UNC80: variants seen among roughly 807,000 people sequenced by gnomAD.
The protein encoded by UNC80 is protein unc-80 homolog.
Under a neutral mutation model 384.6 loss-of-function variants are expected in UNC80, and 164 were observed. The ratio of observed to expected loss-of-function variants is 0.43; its 90% CI spans 0.38 to 0.49. The LOEUF is 0.49. UNC80 is among the 20% of genes least tolerant of loss of function. The pLI is 0.00. For missense variants in UNC80, 3,330 were observed against 4,143.0 expected (o/e 0.80, Z 5.39); for synonymous variants, 1,486 against 1,527.8 (o/e 0.97, Z 0.64).
At chr2:209,820,766 G>A (rs1207470964) in intron 13 of UNC80, 87 bp downstream of exon 13, 6 of 1,409,342 alleles carry the variant, frequency 4.3e-6, no homozygotes, top group Non-Finnish European at 5.6e-6. Flanking sequence ...TATTGAATCT[G>A]AACAGCACCT....
rs1238357684 is a variant in UNC80 at position 209,872,604 on chromosome 2, G to A, written c.3628-154G>A. 1.3e-5 allele frequency among the ~76,000 whole-genome samples: 2 copies of A among 152,020 alleles called. No homozygotes were observed. The highest frequency in any genetic ancestry group is 2.4e-5 in the African/African-American group (1 of 41,372). On this transcript the variant is annotated intron_variant, in intron 22 of 64. Coordinates refer to ENST00000673920, the MANE Select transcript of UNC80 (RefSeq NM_001371986.1). This position sits in a 1 kb window ranked among gnomAD's most constrained non-coding sequence, Gnocchi z 4.1. The stretch of plus-strand genomic sequence containing the variant: ...TTTCCAGATTTCTCACTACTGTGTT[G>A]GCCATACTGACACCACCCTGGGAAA...
rs983037506 is a variant in UNC80 at position 209,839,371 on chromosome 2, G to A, written c.3191G>A (p.Arg1064Gln). The change falls in exon 19 of 65, where the codon CGA becomes CAA. Residue 1064 changes from arginine to glutamine, a missense_variant. By Grantham distance (43) the Arg-to-Gln change is conservative. Coordinates refer to ENST00000673920, the MANE Select transcript of UNC80 (RefSeq NM_001371986.1). The surrounding 1 kb of genome is among the most constrained non-coding windows in gnomAD (Gnocchi z 4.1). ...GCCCACTCAGGGACCACCTCTGACCGACGTGCCCGCTCACGATCCCGCAGA... is the reference window on the plus strand; with the variant it reads ...GCCCACTCAGGGACCACCTCTGACCAACGTGCCCGCTCACGATCCCGCAGA... ...TTAHSGTTSD[R>Q]RARSRSRRIS... 1.4e-5 allele frequency: 22 copies of A among 1,551,986 alleles called. No individual in the cohort carries two copies. Among genetic ancestry groups the A allele is most frequent in the Non-Finnish European group, 1.7e-5 (19 of 1,147,072 alleles).
chr2:209,908,562 GA>G (rs1294130535), intron 29 of UNC80, among the ~76,000 whole-genome samples: 1 of 152,150 alleles, frequency 6.6e-6, no homozygotes, highest in East Asian at 1.9e-4. Context: ...TTTAAAAAAG[GA>G]GCAGATTAAA....
intron 7 of UNC80, among the ~76,000 whole-genome samples, chr2:209,806,340 A>G (rs2078895959): frequency 6.6e-6 from 1 of 152,144 alleles, no homozygotes; most frequent in Non-Finnish European, 1.5e-5. Flanking sequence ...AATGTTCAAG[A>G]CTACTATTTG....
chr2:209,870,351 A>G (rs2084188415), intron 22 of UNC80, among the ~76,000 whole-genome samples: 1 of 152,210 alleles, frequency 6.6e-6, no homozygotes, highest in South Asian at 2.1e-4. Flanking sequence ...ACAGATTTGC[A>G]TATCTGAACT....
intron 7 of UNC80, among the ~76,000 whole-genome samples, chr2:209,801,786 G>A (rs534759991): frequency 6.6e-6 from 1 of 150,832 alleles, no homozygotes; most frequent in African/African-American, 2.4e-5. Context: ...AGGCTACATG[G>A]GTGCATTGTT....
chr2:209,950,122 T>TGC (rs2092101442), intron 47 of UNC80, among the ~76,000 whole-genome samples: 1 of 152,072 alleles, frequency 6.6e-6, no homozygotes, highest in South Asian at 2.1e-4. Flanking sequence ...AGAGGAACTG[T>TGC]GCCTGCCTCA....
intron 28 of UNC80, among the ~76,000 whole-genome samples, chr2:209,903,400 ATATT>A (rs2124928167): frequency 8.3e-6 from 1 of 121,136 alleles, no homozygotes; most frequent in Admixed American, 1.2e-4. Context: ...ATTTATATAT[ATATT>A]ATATATATAC....
chr2:209,944,881 C>G (rs1444838247), intron 45 of UNC80, among the ~76,000 whole-genome samples, 170 bp from the exon 46 acceptor site: 1 of 152,088 alleles, frequency 6.6e-6, no homozygotes, highest in Non-Finnish European at 1.5e-5. Context: ...GTCAGGTGTA[C>G]CACTCCAAAA....
At chr2:209,814,184 A>G (rs140826834) in intron 8 of UNC80, among the ~76,000 whole-genome samples, 28 of 152,154 alleles carry the variant, frequency 1.8e-4, no homozygotes, top group Non-Finnish European at 3.1e-4. Context: ...AATCTGTAAC[A>G]TAGGATTTTA....
chr2:209,959,831 C>A, intron 51 of UNC80, 124 bp downstream of exon 51: 2 of 901,938 alleles, frequency 2.2e-6, no homozygotes, highest in South Asian at 1.8e-5. Context: ...GATTTGTTTC[C>A]GGTGACTTAG....
Position 209,995,523 on chromosome 2 carries a change from A to G in UNC80, c.9903A>G (p.Leu3301=), listed in dbSNP as rs963283770. 1.9e-6 allele frequency: 3 copies of G among 1,551,938 alleles called. No individual in the cohort carries two copies. Among genetic ancestry groups the G allele is most frequent in the South Asian group, 1.2e-5 (1 of 84,062 alleles). ...AAAATGGCATGGAGAACCCGCTACT[A>G]TCTAGTCAGTTCACCTTTACTCCCA... ...SEENGMENPL[L]SSQFTFTPTE... Residue 3301 remains leucine, a synonymous_variant, in exon 65 of 65, where the codon CTA becomes CTG. Coordinates refer to ENST00000673920, the MANE Select transcript of UNC80 (RefSeq NM_001371986.1).
intron 18 of UNC80, among the ~76,000 whole-genome samples, chr2:209,835,513 A>T (rs1290111401): frequency 1.3e-5 from 2 of 152,164 alleles, no homozygotes; most frequent in African/African-American, 4.8e-5. Flanking sequence ...GTCCTCCGAC[A>T]TCAGTTAATC....
intron 22 of UNC80, among the ~76,000 whole-genome samples, chr2:209,851,756 C>T (rs1248740154): frequency 6.6e-6 from 1 of 151,912 alleles, no homozygotes; most frequent in Non-Finnish European, 1.5e-5. Context: ...AACACTGAAG[C>T]TCAGAAAGAC....
At chr2:209,789,501 C>A in intron 5 of UNC80, 31 bp from the exon 6 acceptor site, 1 of 1,535,490 alleles carries the variant, frequency 6.5e-7, no homozygotes, top group Non-Finnish European at 9.0e-7. Flanking sequence ...TAAAACCTTA[C>A]AAAACGATGG....
rs576698952 is a variant in UNC80 at position 209,935,657 on chromosome 2, T to TA, written c.6179-53dup. 73 of 950,960 alleles carry TA rather than the reference T, an allele frequency of 7.7e-5. No homozygotes were observed. The African/African-American group carries it at 1.2e-3, about 16-fold the overall frequency. The allele number at this position is 950,960 out of a possible 1,614,324, so 58.9% of individuals were successfully genotyped here. On this transcript the variant is annotated intron_variant, in intron 39 of 64. Transcript: ENST00000673920. ...GATAATATTTTAATATTTTATGCTT[T>TA]AAAATACAAATTTTCTATAGTAAAA...
intron 39 of UNC80, among the ~76,000 whole-genome samples, chr2:209,935,194 C>A (rs1428702912): frequency 2.6e-5 from 4 of 152,148 alleles, no homozygotes; most frequent in Admixed American, 1.3e-4. Context: ...CTAACTCTTC[C>A]ACTAAATAAA....
intron 60 of UNC80, chr2:209,983,051 T>C (rs1212434223): frequency 6.6e-6 from 1 of 152,078 alleles, no homozygotes; most frequent in Non-Finnish European, 1.5e-5. Context: ...ACCAATGATA[T>C]TTTCACTTTA....
At chr2:209,855,734 ATTAAC>A (rs148478531) in intron 22 of UNC80, among the ~76,000 whole-genome samples, 24,611 of 151,912 alleles carry the variant, frequency 0.16, 2,576 homozygotes, top group African/African-American at 0.29. Flanking sequence ...TGGTTTTGAA[ATTAAC>A]TTATAGGAAG....
Sources: gnomAD v4.1 joint callset for allele counts (sites outside exome capture counted in the v4.1 genomes callset) on GRCh38, gnomAD v4.1.1 for gene constraint, Gnocchi (gnomAD v3.1) non-coding constraint, MANE v1.5 for transcripts, NCBI Gene and HGNC (gene_info 2026-07-23, HGNC 2026-07-21) for gene names.